ARHGEF7: variants seen among roughly 807,000 people sequenced by gnomAD.
The protein encoded by ARHGEF7 is Rho guanine nucleotide exchange factor 7.
In ARHGEF7, 33 loss-of-function variants were observed where a neutral mutation model predicts 109.8. That is an observed-to-expected ratio of 0.30 (90% CI 0.23 to 0.40). The LOEUF (loss-of-function observed/expected upper bound fraction) is 0.40. Among genes scored for constraint, ARHGEF7 ranks in the 10% least tolerant of loss-of-function variants. The pLI, the probability that ARHGEF7 is intolerant of heterozygous loss-of-function variation, is 1.00. For synonymous variants in ARHGEF7, 458 were observed against 424.6 expected (o/e 1.08, Z -0.97); for missense variants, 938 against 1,098.5 (o/e 0.85, Z 2.07).
chr13:111,277,219 A>G (rs1030760289), intron 12 of ARHGEF7, among the ~76,000 whole-genome samples: 2 of 152,204 alleles, frequency 1.3e-5, no homozygotes, highest in African/African-American at 4.8e-5. Flanking sequence ...CTTACCTGAA[A>G]ATAGTTAATC....
chr13:111,138,954 G>A (rs1449233153), intron 1 of ARHGEF7, among the ~76,000 whole-genome samples: 4 of 152,132 alleles, frequency 2.6e-5, no homozygotes, highest in South Asian at 2.1e-4. Context: ...CATGAATGGC[G>A]CTGGAATCAC....
chr13:111,204,000 T>C (rs973248762), intron 2 of ARHGEF7, among the ~76,000 whole-genome samples: 1 of 152,150 alleles, frequency 6.6e-6, no homozygotes, highest in Non-Finnish European at 1.5e-5. Context: ...ACTGCAGATT[T>C]TTAGTCTAGG....
In ARHGEF7 at chr13:111,277,629, C is replaced by T. The variant is rs777715677; in HGVS notation, c.1462C>T (p.Leu488=). 109 of 1,608,078 alleles carry T rather than the reference C, an allele frequency of 6.8e-5. No individual in the cohort carries two copies. In the South Asian group the frequency reaches 1.1e-3, roughly 16 times the overall value. ...TCTTCTACTCTTCCCAAATGTTTTG[C>T]TAATGTTGTCTGCCAGTCCTAGGAT... ...RYLLLFPNVL[L]MLSASPRMSG... Residue 488 remains leucine (L), a synonymous_variant, in exon 13 of 22, where the codon CTA becomes TTA. Transcript: ENST00000646102.
rs1392153462 is a variant in ARHGEF7, at chr13:111,273,411, C to G, written c.1074-403C>G. Reference sequence around the variant, plus strand: ...TGACTACCATCAGTGTGCTCTAGCTCTTTACCGGAGCAGCTCGGTCCTTGT... The same window carrying G: ...TGACTACCATCAGTGTGCTCTAGCTGTTTACCGGAGCAGCTCGGTCCTTGT... On this transcript the variant is annotated intron_variant, in intron 9 of 21. Coordinates refer to ENST00000646102, the MANE Select transcript of ARHGEF7 (RefSeq NM_001354046.2). This position sits in a 1 kb window ranked among gnomAD's most constrained non-coding sequence, Gnocchi z 4.5. 2.0e-5 allele frequency among the ~76,000 whole-genome samples: 3 copies of G among 152,236 alleles called. No homozygotes were observed. The highest frequency in any genetic ancestry group is 4.4e-5 in the Non-Finnish European group (3 of 68,046).
intron 2 of ARHGEF7, among the ~76,000 whole-genome samples, chr13:111,191,475 A>G (rs897943251): frequency 6.6e-6 from 1 of 152,216 alleles, no homozygotes; most frequent in African/African-American, 2.4e-5. Flanking sequence ...GAGATGGGGA[A>G]GTTGGCTAAT....
intron 1 of ARHGEF7, 84 bp from the exon 2 acceptor site, chr13:111,153,821 C>A: frequency 6.6e-7 from 1 of 1,509,154 alleles, no homozygotes. Flanking sequence ...GTGTTGGGAG[C>A]GCGGGCCGTG....
intron 1 of ARHGEF7, among the ~76,000 whole-genome samples, chr13:111,134,343 T>G (rs1373598910): frequency 3.3e-5 from 5 of 152,226 alleles, no homozygotes; most frequent in Non-Finnish European, 5.9e-5. Flanking sequence ...GTATTTCTAG[T>G]TCTAGATCCC....
At chr13:111,275,715 C>T (rs1460431355) in intron 12 of ARHGEF7, 37 bp downstream of exon 12, 2 of 1,613,348 alleles carry the variant, frequency 1.2e-6, no homozygotes, top group East Asian at 2.2e-5. Context: ...GGGTTTCTGT[C>T]CCACTCTTAG....
chr13:111,197,496 T>C (rs2153455037), intron 2 of ARHGEF7, among the ~76,000 whole-genome samples: 1 of 152,354 alleles, frequency 6.6e-6, no homozygotes, highest in Non-Finnish European at 1.5e-5. Context: ...GTCCTAAGCG[T>C]TCTCCTGTTA....
In ARHGEF7 at chr13:111,273,742, C is replaced by A. The variant is rs2092320896; in HGVS notation, c.1074-72C>A. 4 of 1,586,654 alleles carry A rather than the reference C, an allele frequency of 2.5e-6. No individual in the cohort carries two copies. Among genetic ancestry groups the A allele is most frequent in the Middle Eastern group, 1.7e-4 (1 of 5,758 alleles). ...TGTTTCATAAATTCTGGCTGTTGCT[C>A]ATGGAGATGAGAGAGCCACCATTGT... On this transcript the variant is annotated intron_variant, in intron 9 of 21. Transcript: ENST00000646102. This position sits in a 1 kb window ranked among gnomAD's most constrained non-coding sequence, Gnocchi z 4.5.
chr13:111,115,781 T>G, intron 1 of ARHGEF7, 90 bp downstream of exon 1: 2 of 715,252 alleles, frequency 2.8e-6, no homozygotes, highest in South Asian at 6.3e-5. Flanking sequence ...CCGGCCGCGC[T>G]CGGGAAACCC....
intron 12 of ARHGEF7, 55 bp downstream of exon 12, chr13:111,275,733 T>C (rs1220786206): frequency 6.2e-7 from 1 of 1,607,364 alleles, no homozygotes; most frequent in Non-Finnish European, 8.5e-7. Flanking sequence ...TAGGAGCTCA[T>C]AGCAGAAGAT....
chr13:111,207,848 G>A (rs2082071371), intron 3 of ARHGEF7, among the ~76,000 whole-genome samples: 1 of 152,030 alleles, frequency 6.6e-6, no homozygotes, highest in South Asian at 2.1e-4. Flanking sequence ...ATATGTTCTT[G>A]GTATCATTGG....
At chr13:111,284,953 G>A (rs952445503) in intron 16 of ARHGEF7, among the ~76,000 whole-genome samples, 1 of 152,250 alleles carries the variant, frequency 6.6e-6, no homozygotes, top group African/African-American at 2.4e-5. Context: ...GAGCACATGT[G>A]TATAAATGTG....
chr13:111,154,188 C>T (rs2076111892), intron 2 of ARHGEF7, among the ~76,000 whole-genome samples, 197 bp downstream of exon 2: 1 of 152,250 alleles, frequency 6.6e-6, no homozygotes, highest in East Asian at 1.9e-4. Context: ...GCGCGCGGGC[C>T]ACCCCCAGGG....
chr13:111,215,522 T>C (rs1010962074), intron 4 of ARHGEF7, among the ~76,000 whole-genome samples: 3 of 152,102 alleles, frequency 2.0e-5, no homozygotes, highest in Admixed American at 2.0e-4. Context: ...CTGGTTTCAC[T>C]GAGATCGGTG....
chr13:111,292,827 G>T (rs1248248062), intron 19 of ARHGEF7: 2 of 992,552 alleles, frequency 2.0e-6, no homozygotes, highest in Non-Finnish European at 1.2e-6. Flanking sequence ...AAGGTGCTGT[G>T]AGCCCAGTTC....
chr13:111,121,343 C>T (rs1271260956), intron 1 of ARHGEF7, among the ~76,000 whole-genome samples: 2 of 152,238 alleles, frequency 1.3e-5, no homozygotes, highest in Admixed American at 6.5e-5. Flanking sequence ...GGCTTCCCTA[C>T]TCTGTAGGGC....
intron 19 of ARHGEF7, chr13:111,292,871 C>T: frequency 1.0e-6 from 1 of 989,256 alleles, no homozygotes; most frequent in South Asian, 4.6e-5. Flanking sequence ...TGCAGAACAG[C>T]ATGTGGGCTC....
Sources: gnomAD v4.1 joint callset for allele counts (sites outside exome capture counted in the v4.1 genomes callset) on GRCh38, gnomAD v4.1.1 for gene constraint, Gnocchi (gnomAD v3.1) non-coding constraint, MANE v1.5 for transcripts, NCBI Gene and HGNC (gene_info 2026-07-23, HGNC 2026-07-21) for gene names.